RALGAPB: variants seen among roughly 807,000 people sequenced by gnomAD.
The protein encoded by RALGAPB is Ral GTPase activating protein non-catalytic subunit beta.
In RALGAPB, 25 loss-of-function variants were observed where a neutral mutation model predicts 161.1. The observed-to-expected ratio is 0.16, with a 90% CI of 0.11 to 0.22. The LOEUF is 0.22. Ranked by LOEUF, RALGAPB falls within the 10% of genes least tolerant of loss-of-function variation. The pLI is 1.00. For missense variants in RALGAPB, 1,391 were observed against 1,815.2 expected (o/e 0.77, Z 4.25); for synonymous variants, 629 against 626.1 (o/e 1.00, Z -0.07).
chr20:38,475,494 A>G (rs1465889901), intron 1 of RALGAPB, among the ~76,000 whole-genome samples: 2 of 152,202 alleles, frequency 1.3e-5, no homozygotes, highest in South Asian at 4.1e-4. Flanking sequence ...AAAGTTAGTG[A>G]ATATGTGTGT....
intron 22 of RALGAPB, among the ~76,000 whole-genome samples, chr20:38,556,595 A>G (rs532703888): frequency 6.6e-6 from 1 of 152,354 alleles, no homozygotes; most frequent in African/African-American, 2.4e-5. Context: ...TGATATTGAC[A>G]AAAGTTACCT....
chr20:38,575,073 G>A lies in RALGAPB; in HGVS notation c.*106G>A, dbSNP rs1271990673. 2.1e-6 allele frequency: 2 copies of A among 960,950 alleles called. No homozygotes were observed. Among genetic ancestry groups the A allele is most frequent in the Non-Finnish European group, 3.2e-6 (2 of 631,298 alleles). The allele number at this position is 960,950 out of a possible 1,614,324, so 59.5% of individuals were successfully genotyped here. ...AAATAAAAACAAATCACTCCCAAGA[G>A]CTTACTGTTTAATCACCAGAATAGA... On this transcript the variant is annotated 3_prime_UTR_variant, in exon 30 of 30. Coordinates refer to ENST00000262879, the MANE Select transcript of RALGAPB (RefSeq NM_020336.4).
intron 20 of RALGAPB, among the ~76,000 whole-genome samples, chr20:38,550,528 G>A (rs749764317): frequency 1.1e-4 from 17 of 152,110 alleles, no homozygotes; most frequent in Non-Finnish European, 2.2e-4. Context: ...TGAAGAGGAA[G>A]GGGACCAGGA....
chr20:38,489,833 C>G (rs1244434688), intron 2 of RALGAPB, among the ~76,000 whole-genome samples: 2 of 152,130 alleles, frequency 1.3e-5, no homozygotes, highest in Non-Finnish European at 2.9e-5. Context: ...CTAGATTTAT[C>G]CCCGAGGACT....
At chr20:38,533,900 A>G (rs2086726472) in intron 15 of RALGAPB, among the ~76,000 whole-genome samples, 1 of 150,900 alleles carries the variant, frequency 6.6e-6, no homozygotes, top group African/African-American at 2.4e-5. Context: ...GCACTTTGGG[A>G]GGCCAAGGTG....
chr20:38,517,544 C>A lies in RALGAPB; in HGVS notation c.1090C>A (p.Pro364Thr). The A allele has an allele frequency of 1.2e-6, 2 of 1,613,072 alleles. No homozygotes were observed. Among genetic ancestry groups the A allele is most frequent in the Non-Finnish European group, 1.7e-6 (2 of 1,179,642 alleles). Residue 364 changes from proline to threonine, a missense_variant, in exon 8 of 30, where the codon CCC becomes ACC. Physicochemically the swap from Pro to Thr is conservative, Grantham distance 38. Transcript: ENST00000262879. ...RPRSDSAPPT[P>T]VNRLSMPQSA... ...CCGATCAGACAGTGCTCCCCCAACA[C>A]CCGTGAATAGATTAAGTATGCCTCA...
intron 13 of RALGAPB, among the ~76,000 whole-genome samples, chr20:38,527,009 A>T (rs1343570817): frequency 6.6e-6 from 1 of 152,114 alleles, no homozygotes; most frequent in Non-Finnish European, 1.5e-5. Context: ...TTCCTCAGCC[A>T]CCTAACAGGA....
chr20:38,518,140 C>G, intron 9 of RALGAPB, 140 bp downstream of exon 9: 1 of 775,368 alleles, frequency 1.3e-6, no homozygotes, highest in South Asian at 1.9e-5. Flanking sequence ...GTGCTTAACC[C>G]CTTCCAGCTG....
In RALGAPB at chr20:38,517,512, C is replaced by A; in HGVS notation, c.1058C>A (p.Ser353Tyr). 1 of 1,508,078 alleles carries A rather than the reference C, an allele frequency of 6.6e-7. No individual in the cohort carries two copies. Among genetic ancestry groups the A allele is most frequent in the Non-Finnish European group, 8.8e-7 (1 of 1,131,324 alleles). The allele number at this position is 1,508,078 out of a possible 1,614,324, so 93.4% of individuals were successfully genotyped here. ...TCTTTTTTTTTTTTTTAAGGTATTT[C>A]TAGACCCCGATCAGACAGTGCTCCC... The part of the protein sequence containing the change: ...SCLVDAFLGI[S>Y]RPRSDSAPPT... The change falls in exon 8 of 30, where the codon TCT (serine) becomes TAT (tyrosine). Residue 353 changes from serine to tyrosine, a missense_variant. Around this residue, in one of 3 missense-constraint regions of RALGAPB, gnomAD observed 946 missense variants for 1,257.2 expected, o/e 0.75. Coordinates refer to ENST00000262879, the MANE Select transcript of RALGAPB (RefSeq NM_020336.4).
intron 1 of RALGAPB, among the ~76,000 whole-genome samples, chr20:38,488,129 T>C (rs1390701471): frequency 6.6e-6 from 1 of 152,232 alleles, no homozygotes; most frequent in Non-Finnish European, 1.5e-5. Context: ...GGAAACAAGT[T>C]TCACAGAAAC....
rs544513892 is a variant in RALGAPB, at chr20:38,475,836, C to T, written c.-31+2767C>T. ...TTCGCCATGTTGGCCAGGTTCATGT[C>T]GAACTGCTGACCTTAAGTGATCTGC... On this transcript the variant is annotated intron_variant, in intron 1 of 29. Coordinates refer to ENST00000262879, the MANE Select transcript of RALGAPB (RefSeq NM_020336.4). 1.6e-4 allele frequency among the ~76,000 whole-genome samples: 24 copies of T among 152,154 alleles called. 1 individual carries two copies. The South Asian group carries it at 3.5e-3, about 22-fold the overall frequency.
intron 5 of RALGAPB, among the ~76,000 whole-genome samples, chr20:38,507,587 C>T (rs954226820): frequency 6.6e-6 from 1 of 152,168 alleles, no homozygotes; most frequent in Non-Finnish European, 1.5e-5. Context: ...ATCGCCCAGG[C>T]AGGCAGGACT....
intron 1 of RALGAPB, among the ~76,000 whole-genome samples, chr20:38,479,828 C>A (rs962982124): frequency 6.6e-6 from 1 of 152,102 alleles, no homozygotes; most frequent in Non-Finnish European, 1.5e-5. Context: ...TCCCTGTTAC[C>A]CCCCTGACCG....
At position 38,548,896 on chromosome 20, in the gene RALGAPB, C is replaced by T. The variant is rs2087264461; in HGVS notation, c.3009+101C>T. 4 of 1,000,398 alleles carry T rather than the reference C, an allele frequency of 4.0e-6. No individual in the cohort carries two copies. In the African/African-American group the frequency reaches 4.8e-5, roughly 12 times the overall value. The allele number at this position is 1,000,398 out of a possible 1,614,324, so 62.0% of individuals were successfully genotyped here. A position where few individuals can be genotyped will look rare whatever the true frequency, so the allele number is the denominator to read the frequency against. On this transcript the variant is annotated intron_variant, in intron 20 of 29. Transcript: ENST00000262879. ...ACAGATCAAATAAATATTTTTGATC[C>T]CTAGCCAGATTCTCAGTCAGTGGGT...
intron 1 of RALGAPB, among the ~76,000 whole-genome samples, chr20:38,477,902 G>T (rs965944949): frequency 1.2e-4 from 19 of 152,092 alleles, no homozygotes; most frequent in African/African-American, 4.3e-4. Flanking sequence ...TGGGAGGATT[G>T]CTTGAGCCCA....
chr20:38,532,719 C>T lies in RALGAPB; in HGVS notation c.2116-11C>T, dbSNP rs370980495. ...ATGTAATCCTCACTTGATTCATTTT[C>T]ATTTGACTAGGGTGGTGGAGAAAAT... is the stretch of plus-strand genomic sequence containing the variant. On this transcript the variant is annotated splice_polypyrimidine_tract_variant and intron_variant, in intron 14 of 29. Transcript: ENST00000262879. 18 of 1,611,988 alleles carry T rather than the reference C, an allele frequency of 1.1e-5. 1 individual carries two copies. The African/African-American group carries it at 2.4e-4, about 22-fold the overall frequency.
rs749057213 is a variant in RALGAPB at position 38,574,848 on chromosome 20, C to T, written c.4366C>T (p.His1456Tyr). ...GGAAAGTGACTCCTACAGTCCCCCCCATGTCCGCCGGAAACAGAAAATCAC... is the reference window on the plus strand; with the variant it reads ...GGAAAGTGACTCCTACAGTCCCCCCTATGTCCGCCGGAAACAGAAAATCAC... ...RLESDSYSPPHVRRKQKITDI... is the reference protein window; with the variant it reads ...RLESDSYSPPYVRRKQKITDI... Residue 1456 changes from histidine (H) to tyrosine (Y), a missense_variant, in exon 30 of 30, where the codon CAT becomes TAT. His to Tyr is a moderately conservative substitution (Grantham distance 83). Transcript: ENST00000262879. The T allele has an allele frequency of 2.5e-6, 4 of 1,613,766 alleles. No individual in the cohort carries two copies. The highest frequency in any genetic ancestry group is 1.3e-5 in the African/African-American group (1 of 75,016).
rs756096067 is a variant in RALGAPB, at chr20:38,516,235, C to T, written c.916C>T (p.Pro306Ser). 6.2e-7 allele frequency: 1 copy of T among 1,612,374 alleles called. No individual in the cohort carries two copies. The highest frequency in any genetic ancestry group is 1.3e-5 in the African/African-American group (1 of 74,888). The change falls in exon 7 of 30, where the codon CCC becomes TCC. Residue 306 changes from proline to serine, a missense_variant. Pro to Ser is a moderately conservative substitution (Grantham distance 74). This residue lies in a region of RALGAPB where 946 missense variants were observed against 1,257.2 expected (regional missense o/e 0.75). Transcript: ENST00000262879. ...TAACCCAGCTATTATAAGCTCTACT[C>T]CCAAATTTCAGGAACAGTTCTTGAA... ...LSNPAIISSTPKFQEQFLNVS... is the reference protein window; with the variant it reads ...LSNPAIISSTSKFQEQFLNVS...
In RALGAPB at chr20:38,546,082, A is replaced by G. The variant is rs139834491; in HGVS notation, c.2715-161A>G. On this transcript the variant is annotated intron_variant, in intron 18 of 29. Transcript: ENST00000262879. ...TAATCTTGGAGGGGAGAGTCTGGAC[A>G]GCATGCCATGGCATTCACCACAAGG... Among the ~76,000 whole-genome samples, 527 of 152,346 alleles carry G rather than the reference A, an allele frequency of 3.5e-3. 4 individuals are homozygous for G. Among genetic ancestry groups the G allele is most frequent in the Non-Finnish European group, 2.1e-3 (140 of 68,034 alleles).
Sources: gnomAD v4.1 joint callset for allele counts (sites outside exome capture counted in the v4.1 genomes callset) on GRCh38, gnomAD v4.1.1 for gene constraint, gnomAD v4.1.1 regional missense constraint, MANE v1.5 for transcripts, NCBI Gene and HGNC (gene_info 2026-07-23, HGNC 2026-07-21) for gene names.